MTUS1: variants seen among roughly 807,000 people sequenced by gnomAD.
MTUS1 encodes microtubule-associated tumor suppressor 1.
A neutral mutation model predicts 120.8 loss-of-function variants in MTUS1; 109 were observed. The observed-to-expected ratio is 0.90, with a 90% CI of 0.77 to 1.06. The LOEUF is 1.06. MTUS1 is among the 50% of genes least tolerant of loss of function. The pLI is 0.00. For synonymous variants in MTUS1, 737 were observed against 550.5 expected (o/e 1.34, Z -4.74); for missense variants, 2,210 against 1,486.3 (o/e 1.49, Z -8.01).
intron 3 of MTUS1, among the ~76,000 whole-genome samples, chr8:17,730,910 A>G (rs2046531169): frequency 6.6e-6 from 1 of 152,208 alleles, no homozygotes; most frequent in Non-Finnish European, 1.5e-5. Flanking sequence ...GCTGCAAAAA[A>G]TGTGAATGTA....
At chr8:17,689,081 C>T (rs537096319) in intron 6 of MTUS1, among the ~76,000 whole-genome samples, 1 of 152,192 alleles carries the variant, frequency 6.6e-6, no homozygotes, top group East Asian at 1.9e-4. Context: ...TGTGGTGGCA[C>T]CTGCCTGTAC....
At chr8:17,657,295 G>A (rs1361803179) in intron 8 of MTUS1, among the ~76,000 whole-genome samples, 13 of 151,872 alleles carry the variant, frequency 8.6e-5, no homozygotes, top group South Asian at 2.1e-4. Context: ...GAGACCGGGC[G>A]CGGTGGCTCA....
At position 17,712,993 on chromosome 8, in the gene MTUS1, ATAAC is replaced by A. The variant is rs549719233; in HGVS notation, c.2623+217_2623+220del. On this transcript the variant is annotated intron_variant, in intron 6 of 14. Coordinates refer to ENST00000693296, the MANE Select transcript of MTUS1 (RefSeq NM_001363059.2). ...TAACAAAATCATTTTTTAAAAGACT[ATAAC>A]TATCTATTAGTAATACAATGTCCTT... 1.9e-3 allele frequency among the ~76,000 whole-genome samples: 284 copies of A among 152,342 alleles called. 2 individuals carry two copies. The South Asian group carries it at 0.02, about 11-fold the overall frequency.
At chr8:17,753,407 G>T (rs1008827640) in intron 2 of MTUS1, among the ~76,000 whole-genome samples, 1 of 152,122 alleles carries the variant, frequency 6.6e-6, no homozygotes, top group Non-Finnish European at 1.5e-5. Flanking sequence ...TAACCTGATT[G>T]TATCAGGCAC....
chr8:17,775,470 T>C (rs937448424), intron 1 of MTUS1, among the ~76,000 whole-genome samples: 3 of 152,188 alleles, frequency 2.0e-5, no homozygotes, highest in Non-Finnish European at 4.4e-5. Context: ...CACGACAGCA[T>C]GCATCACGCC....
chr8:17,755,241 G>A lies in MTUS1; in HGVS notation c.567C>T (p.Ser189=), dbSNP rs992327380. 5 of 1,614,036 alleles carry A rather than the reference G, an allele frequency of 3.1e-6. No homozygotes were observed. Among genetic ancestry groups the A allele is most frequent in the Non-Finnish European group, 4.2e-6 (5 of 1,179,990 alleles). The change falls in exon 2 of 15, where the codon AGC becomes AGT. Residue 189 remains serine (S), a synonymous_variant. Transcript: ENST00000693296. The stretch of plus-strand genomic sequence containing the variant: ...CACTTCTCCTACCAGTTGGTGGCAG[G>A]CTTCCAGCAGTATGGAAGGACTGAC... The part of the protein sequence containing the change: ...GKSQSFHTAG[S]LPPTGRRSGS...
intron 6 of MTUS1, among the ~76,000 whole-genome samples, chr8:17,694,474 T>A (rs573455752): frequency 6.6e-6 from 1 of 152,128 alleles, no homozygotes; most frequent in African/African-American, 2.4e-5. Flanking sequence ...CAGACCAGTA[T>A]GGCCAACATG....
At chr8:17,727,974 G>C (rs773144025) in intron 3 of MTUS1, among the ~76,000 whole-genome samples, 20 of 152,070 alleles carry the variant, frequency 1.3e-4, no homozygotes, top group Non-Finnish European at 2.8e-4. Context: ...ACTCACCTCA[G>C]AAAACCTGAG....
intron 6 of MTUS1, among the ~76,000 whole-genome samples, chr8:17,687,372 C>T (rs1304625363): frequency 1.3e-5 from 2 of 152,154 alleles, no homozygotes; most frequent in African/African-American, 4.8e-5. Context: ...AACCCCAAGG[C>T]TCATCAATAC....
At chr8:17,659,428 G>A (rs1809189135) in intron 8 of MTUS1, among the ~76,000 whole-genome samples, 1 of 152,174 alleles carries the variant, frequency 6.6e-6, no homozygotes. Flanking sequence ...TGGGCACAGT[G>A]GCTCACGCCT....
intron 1 of MTUS1, among the ~76,000 whole-genome samples, chr8:17,769,533 G>C (rs1424805616): frequency 6.6e-6 from 1 of 150,874 alleles, no homozygotes; most frequent in African/African-American, 2.5e-5. Context: ...ATTTTTAGTA[G>C]AGACGGGATT....
intron 5 of MTUS1, 31 bp downstream of exon 5, chr8:17,715,736 C>T: frequency 1.3e-6 from 2 of 1,580,258 alleles, no homozygotes; most frequent in Non-Finnish European, 8.6e-7. Context: ...GCGTCTTGCC[C>T]TCCCTCTTCA....
intron 6 of MTUS1, among the ~76,000 whole-genome samples, chr8:17,710,251 G>A (rs957261042): frequency 6.6e-6 from 1 of 152,094 alleles, no homozygotes; most frequent in African/African-American, 2.4e-5. Flanking sequence ...TTTGTAGCAC[G>A]TGATGCTGTT....
At chr8:17,766,717 CAG>C (rs2049531550) in intron 1 of MTUS1, among the ~76,000 whole-genome samples, 1 of 152,086 alleles carries the variant, frequency 6.6e-6, no homozygotes. Flanking sequence ...TCTTTTATAA[CAG>C]AGAATTGATT....
At chr8:17,698,174 T>C (rs1328220140) in intron 6 of MTUS1, among the ~76,000 whole-genome samples, 3 of 152,166 alleles carry the variant, frequency 2.0e-5, no homozygotes, top group Non-Finnish European at 4.4e-5. Flanking sequence ...AATATCAGAG[T>C]TCCAGAAGAA....
rs181040560 is a variant in MTUS1, at chr8:17,655,931, C to A, written c.3040G>T (p.Glu1014Ter). 2 of 1,614,074 alleles carry A rather than the reference C, an allele frequency of 1.2e-6. No individual in the cohort carries two copies. Among genetic ancestry groups the A allele is most frequent in the African/African-American group, 1.3e-5 (1 of 74,930 alleles). Residue 1014 changes from glutamate to a stop codon, truncating the protein, a stop_gained, in exon 9 of 15, where the codon GAG (glutamate) becomes TAG (stop). Coordinates refer to ENST00000693296, the MANE Select transcript of MTUS1 (RefSeq NM_001363059.2). LOFTEE classifies it high-confidence loss of function. The part of the protein sequence containing the change: ...ENRLKEFYTR[E>*]YEKLRDTYIE... ...TAAGTGTCCCGAAGCTTTTCATACT[C>A]CCTGGTGTAAAACTCTTTAAGCCGA... is the stretch of plus-strand genomic sequence containing the variant.
chr8:17,696,250 G>A (rs1051508822), intron 6 of MTUS1, among the ~76,000 whole-genome samples: 45 of 152,194 alleles, frequency 3.0e-4, no homozygotes, highest in African/African-American at 1.0e-3. Context: ...TATGAAACAC[G>A]AGAGAGAGGT....
chr8:17,730,389 G>C (rs944576415), intron 3 of MTUS1, among the ~76,000 whole-genome samples: 1 of 151,866 alleles, frequency 6.6e-6, no homozygotes, highest in African/African-American at 2.4e-5. Context: ...GGAGGGTGAG[G>C]TAGGAGAATC....
chr8:17,770,016 A>G (rs909288911), intron 1 of MTUS1, among the ~76,000 whole-genome samples: 1 of 152,130 alleles, frequency 6.6e-6, no homozygotes, highest in Non-Finnish European at 1.5e-5. Flanking sequence ...GATGACATAT[A>G]AAGTATATAA....
Sources: allele counts gnomAD v4.1 joint callset (sites outside exome capture counted in the v4.1 genomes callset), GRCh38; gene constraint gnomAD v4.1.1; transcripts MANE v1.5; gene names NCBI Gene and HGNC (gene_info 2026-07-23, HGNC 2026-07-21).